Variants in DYM observed in about 807,000 individuals in gnomAD.
DYM encodes the protein dymeclin, also known as dyggve-Melchior-Clausen syndrome protein.
A neutral mutation model predicts 93.1 loss-of-function variants in DYM; 78 were observed. That is an observed-to-expected ratio of 0.84 (90% CI 0.70 to 1.01). The LOEUF is 1.01. DYM is among the 50% of genes least tolerant of loss of function. The probability of loss-of-function intolerance (pLI) is 0.00; values close to 1 mark genes in which losing one functional copy is unlikely to be tolerated. For synonymous variants in DYM, 321 were observed against 319.7 expected, an observed-to-expected ratio of 1.00 and a Z score of -0.04; for missense variants, 789 against 845.0, an observed-to-expected ratio of 0.93 and a Z score of 0.82.
intron 9 of DYM, among the ~76,000 whole-genome samples, chr18:49,282,455 A>T (rs1355666463): frequency 1.3e-5 from 2 of 152,192 alleles, no homozygotes; most frequent in African/African-American, 2.4e-5. Context: ...TCTACTAAAA[A>T]TACAGAAATT....
intron 2 of DYM, among the ~76,000 whole-genome samples, chr18:49,394,343 G>A (rs1238147653): frequency 6.6e-6 from 1 of 152,056 alleles, no homozygotes; most frequent in Middle Eastern, 3.4e-3. Flanking sequence ...AACAGTGCCT[G>A]GCACAAAGTA....
chr18:49,343,695 A>G (rs2064341911), intron 6 of DYM, among the ~76,000 whole-genome samples: 1 of 152,210 alleles, frequency 6.6e-6, no homozygotes, highest in African/African-American at 2.4e-5. Flanking sequence ...CACAGTGAGA[A>G]ATTAATACTA....
intron 17 of DYM, among the ~76,000 whole-genome samples, chr18:49,094,200 G>C (rs1464768602): frequency 1.3e-5 from 2 of 152,152 alleles, no homozygotes; most frequent in Non-Finnish European, 2.9e-5. Flanking sequence ...GGGGACTTGA[G>C]AGCCCAACAT....
At chr18:49,109,053 G>A (rs183842617) in intron 16 of DYM, among the ~76,000 whole-genome samples, 40 of 149,986 alleles carry the variant, frequency 2.7e-4, no homozygotes, top group African/African-American at 8.9e-4. Flanking sequence ...TAATGCTTAC[G>A]TAGTAAAAGT....
intron 2 of DYM, among the ~76,000 whole-genome samples, chr18:49,407,267 T>G (rs763854202): frequency 5.3e-5 from 8 of 152,122 alleles, no homozygotes; most frequent in Admixed American, 1.3e-4. Context: ...GTTACATAAA[T>G]CTACTCACAT....
intron 4 of DYM, among the ~76,000 whole-genome samples, chr18:49,379,186 A>G (rs1223359918): frequency 2.0e-5 from 3 of 152,214 alleles, no homozygotes; most frequent in African/African-American, 7.2e-5. Flanking sequence ...GTTTATAAGC[A>G]AGACAATGCA....
At chr18:49,351,287 C>T (rs1320383859) in intron 6 of DYM, among the ~76,000 whole-genome samples, 1 of 151,938 alleles carries the variant, frequency 6.6e-6, no homozygotes, top group Non-Finnish European at 1.5e-5. Context: ...CCGGAAATCG[C>T]TTGAACCCGG....
At chr18:49,389,667 T>C (rs549114934) in intron 3 of DYM, among the ~76,000 whole-genome samples, 1 of 152,082 alleles carries the variant, frequency 6.6e-6, no homozygotes, top group South Asian at 2.1e-4. Context: ...TGGTTAAGTT[T>C]TTTCAATTTT....
intron 8 of DYM, among the ~76,000 whole-genome samples, chr18:49,299,033 C>CA (rs566064750): frequency 2.3e-3 from 345 of 152,286 alleles, no homozygotes; most frequent in Non-Finnish European, 4.0e-3. Context: ...GAGGGGCAGA[C>CA]AACCCTTCCT....
chr18:49,331,313 G>C (rs1768788106), intron 8 of DYM, among the ~76,000 whole-genome samples: 1 of 152,196 alleles, frequency 6.6e-6, no homozygotes. Context: ...CAGAAATGAG[G>C]ACTTATTGTA....
chr18:49,153,870 C>T (rs2086092839), intron 15 of DYM, among the ~76,000 whole-genome samples: 1 of 152,070 alleles, frequency 6.6e-6, no homozygotes, highest in Admixed American at 6.6e-5. Context: ...AGGATATTGG[C>T]ATAGTCTTAA....
chr18:49,050,144 T>C (rs2144322199), intron 17 of DYM, among the ~76,000 whole-genome samples: 1 of 146,964 alleles, frequency 6.8e-6, no homozygotes, highest in South Asian at 2.2e-4. Context: ...TGGAGTGCAA[T>C]GGCGCGATCT....
At chr18:49,286,667 G>A (rs374824277) in intron 8 of DYM, 51 bp from the exon 9 acceptor site, 213 of 1,542,094 alleles carry the variant, frequency 1.4e-4, no homozygotes, top group Non-Finnish European at 1.8e-4. Context: ...TGAGATGAAT[G>A]TATTTCTGTA....
At chr18:49,233,683 C>G (rs546123445) in intron 13 of DYM, among the ~76,000 whole-genome samples, 2 of 152,302 alleles carry the variant, frequency 1.3e-5, no homozygotes, top group African/African-American at 4.8e-5. Flanking sequence ...TCCCTTTCTT[C>G]TACACTAACA....
At chr18:49,284,917 C>T (rs532929224) in intron 9 of DYM, among the ~76,000 whole-genome samples, 1 of 152,182 alleles carries the variant, frequency 6.6e-6, no homozygotes, top group Non-Finnish European at 1.5e-5. Context: ...AGAGGTAGGG[C>T]CTTTACAGTG....
At chr18:49,080,339 AC>A (rs1368153923) in intron 17 of DYM, among the ~76,000 whole-genome samples, 6 of 81,678 alleles carry the variant, frequency 7.3e-5, no homozygotes, top group African/African-American at 9.8e-5. Context: ...CGGGGGGCTG[AC>A]CCCCCCCAAC....
chr18:49,142,666 G>A (rs147244158), intron 15 of DYM, among the ~76,000 whole-genome samples: 11 of 152,248 alleles, frequency 7.2e-5, no homozygotes, highest in African/African-American at 2.6e-4. Flanking sequence ...GTAGAGAAAG[G>A]GAAAGGCAGA....
At chr18:49,283,640 A>T (rs2095046791) in intron 9 of DYM, among the ~76,000 whole-genome samples, 1 of 152,128 alleles carries the variant, frequency 6.6e-6, no homozygotes, top group Non-Finnish European at 1.5e-5. Context: ...ATCAAATAAA[A>T]CTCTGAACAT....
chr18:49,360,416 G>A (rs1233034202), intron 6 of DYM, among the ~76,000 whole-genome samples: 2 of 152,142 alleles, frequency 1.3e-5, no homozygotes, highest in African/African-American at 2.4e-5. Context: ...CAGGTCAGGA[G>A]TTCAAGACCA....
Sources: allele counts gnomAD v4.1 joint callset (sites outside exome capture counted in the v4.1 genomes callset), GRCh38; gene constraint gnomAD v4.1.1; transcripts MANE v1.5; gene names NCBI Gene and HGNC (gene_info 2026-07-23, HGNC 2026-07-21).